The following UGT1A9 variants were observed in gnomAD, a reference collection of about 807,000 sequenced individuals.
UGT1A9 encodes the protein UDP-glucuronosyltransferase 1A9.
UGT1A9 carries 35 observed loss-of-function variants against 45.0 expected under a neutral mutation model. That is an observed-to-expected ratio of 0.78 (90% CI 0.59 to 1.03). The LOEUF is 1.03. UGT1A9 is among the 50% of genes least tolerant of loss of function. UGT1A9 has a pLI of 0.00. For synonymous variants in UGT1A9, 278 were observed against 250.6 expected, an observed-to-expected ratio of 1.11 and a Z score of -1.03; for missense variants, 687 against 666.6, an observed-to-expected ratio of 1.03 and a Z score of -0.34.
Position 233,748,080 on chromosome 2 carries a change from G to A in UGT1A9, c.856-18954G>A, listed in dbSNP as rs1693856955. The stretch of plus-strand genomic sequence containing the variant: ...TGCCAACAGGAAGCCACTATCTCAG[G>A]TCGGTGTTCGTGCCTTCATCCAATC... On this transcript the variant is annotated intron_variant, in intron 1 of 4. Transcript: ENST00000354728. The A allele has an allele frequency of 1.2e-5, 19 of 1,613,008 alleles. 1 individual carries two copies. In the Admixed American group the frequency reaches 3.2e-4, roughly 27 times the overall value.
At chr2:233,695,446 G>T (rs1452804624) in intron 1 of UGT1A9, among the ~76,000 whole-genome samples, 1 of 150,492 alleles carries the variant, frequency 6.6e-6, no homozygotes, top group Non-Finnish European at 1.5e-5. Context: ...TTTTTTTTTT[G>T]ATCAACGTGC....
intron 1 of UGT1A9, chr2:233,718,723 T>C (rs1350568030): frequency 1.2e-6 from 2 of 1,610,130 alleles, no homozygotes; most frequent in African/African-American, 2.7e-5. Context: ...CATGCTGATT[T>C]GCTAGGTGGC....
At position 233,767,112 on chromosome 2, in the gene UGT1A9, C is replaced by G; in HGVS notation, c.934C>G (p.Pro312Ala). Residue 312 changes from proline (P) to alanine (A), a missense_variant, in exon 2 of 5, where the codon CCA (proline) becomes GCA (alanine). Coordinates refer to ENST00000354728, the MANE Select transcript of UGT1A9 (RefSeq NM_021027.3). The part of the protein sequence containing the change: ...FSLGSMVSEI[P>A]EKKAMAIADA... ...TTTGGGATCAATGGTCTCAGAAATT[C>G]CAGAGAAGAAAGCTATGGCAATTGC... 6.2e-7 allele frequency: 1 copy of G among 1,614,080 alleles called. No homozygotes were observed. The highest frequency in any genetic ancestry group is 8.5e-7 in the Non-Finnish European group (1 of 1,180,008).
At chr2:233,743,656 G>C (rs528527073) in intron 1 of UGT1A9, 2 of 1,367,266 alleles carry the variant, frequency 1.5e-6, no homozygotes, top group Non-Finnish European at 2.0e-6. Context: ...AGACGTACTC[G>C]AAGGGGTCCT....
intron 1 of UGT1A9, chr2:233,750,518 C>A (rs560132107): frequency 6.6e-6 from 1 of 152,090 alleles, no homozygotes; most frequent in South Asian, 2.1e-4. Flanking sequence ...ATTGCCAAGA[C>A]AATGGGGAAA....
At chr2:233,749,234 A>T (rs1694147769) in intron 1 of UGT1A9, among the ~76,000 whole-genome samples, 1 of 151,936 alleles carries the variant, frequency 6.6e-6, no homozygotes, top group Admixed American at 6.5e-5. Flanking sequence ...CATTTTTTAA[A>T]ATCAAACCAC....
chr2:233,733,103 T>G lies in UGT1A9; in HGVS notation c.856-33931T>G, dbSNP rs137950812. ...AATGGGAGTTCACTCATGGTTTGGC[T>G]CTGTTTGTCTGTTATTGGTGTATAG... On this transcript the variant is annotated intron_variant, in intron 1 of 4. Coordinates refer to ENST00000354728, the MANE Select transcript of UGT1A9 (RefSeq NM_021027.3). Among the ~76,000 whole-genome samples the G allele has an allele frequency of 9.9e-3, 1,505 of 152,334 alleles. 21 individuals are homozygous for G. Among genetic ancestry groups the G allele is most frequent in the African/African-American group, 0.035 (1,436 of 41,572 alleles).
chr2:233,687,194 T>C (rs776003891), intron 1 of UGT1A9, among the ~76,000 whole-genome samples: 2 of 152,160 alleles, frequency 1.3e-5, no homozygotes, highest in South Asian at 2.1e-4. Flanking sequence ...ATACCCGTAA[T>C]TGGGTGGGTG....
intron 1 of UGT1A9, chr2:233,760,677 A>G (rs555950591): frequency 6.2e-7 from 1 of 1,614,148 alleles, no homozygotes; most frequent in Non-Finnish European, 8.5e-7. Context: ...GTTCCCACTT[A>G]CTGCACAACA....
At chr2:233,754,968 C>T in intron 1 of UGT1A9, 3 of 1,303,126 alleles carry the variant, frequency 2.3e-6, no homozygotes, top group Non-Finnish European at 2.1e-6. Context: ...AAAGAACTCC[C>T]TGAAGACCTC....
At chr2:233,758,245 A>G (rs1047370626) in intron 1 of UGT1A9, among the ~76,000 whole-genome samples, 51 of 152,214 alleles carry the variant, frequency 3.4e-4, no homozygotes, top group Non-Finnish European at 1.9e-4. Flanking sequence ...ATTGCCCACT[A>G]TTCAGATTAG....
intron 1 of UGT1A9, chr2:233,753,763 T>C (rs1695302197): frequency 1.3e-5 from 2 of 152,344 alleles, no homozygotes; most frequent in South Asian, 4.1e-4. Context: ...TGCGTGGCCC[T>C]TTGGAAACGC....
rs187768174 is a variant in UGT1A9, at chr2:233,743,103, C to T, written c.856-23931C>T. 4.1e-3 allele frequency: 1,437 copies of T among 353,348 alleles called. 18 individuals carry two copies. Among genetic ancestry groups the T allele is most frequent in the South Asian group, 0.019 (861 of 45,444 alleles). 21.9% of individuals were successfully genotyped at this position (353,348 alleles called of 1,614,324 possible). A position where few individuals can be genotyped will look rare whatever the true frequency, so the allele number is the denominator to read the frequency against. ...AGTGTTTATAAATTCTTGGGTACAG[C>T]TGTTCTGAAAGTAAAGTTCACTTTC... On this transcript the variant is annotated intron_variant, in intron 1 of 4. Transcript: ENST00000354728.
intron 1 of UGT1A9, chr2:233,740,934 T>G (rs1244691991): frequency 6.6e-6 from 1 of 151,802 alleles, no homozygotes; most frequent in East Asian, 1.9e-4. Flanking sequence ...AAAGTTTTTT[T>G]TTTAATTAGC....
intron 1 of UGT1A9, chr2:233,729,848 G>C: frequency 6.2e-7 from 1 of 1,613,874 alleles, no homozygotes; most frequent in Non-Finnish European, 8.5e-7. Context: ...CTTTTTCAGA[G>C]AGAGGTGTCA....
intron 1 of UGT1A9, among the ~76,000 whole-genome samples, chr2:233,733,410 G>A (rs1464180881): frequency 6.6e-6 from 1 of 152,160 alleles, no homozygotes; most frequent in Non-Finnish European, 1.5e-5. Flanking sequence ...AATGCTTCCA[G>A]TTTTCGCCTA....
At chr2:233,728,575 A>G (rs1420675714) in intron 1 of UGT1A9, among the ~76,000 whole-genome samples, 5 of 152,224 alleles carry the variant, frequency 3.3e-5, no homozygotes, top group Non-Finnish European at 7.3e-5. Context: ...TCCTGGTGCG[A>G]AAAACGACCA....
At chr2:233,674,680 T>C (rs974563790) in intron 1 of UGT1A9, among the ~76,000 whole-genome samples, 2 of 152,220 alleles carry the variant, frequency 1.3e-5, no homozygotes, top group Admixed American at 1.3e-4. Context: ...TGTGTTTATG[T>C]GTCTATTAAA....
intron 1 of UGT1A9, chr2:233,681,963 T>C: frequency 6.2e-7 from 1 of 1,614,084 alleles, no homozygotes; most frequent in South Asian, 1.1e-5. Flanking sequence ...TGGACTGGCC[T>C]CCTTCCCCTA....
Sources: gnomAD v4.1 joint callset for allele counts (sites outside exome capture counted in the v4.1 genomes callset) on GRCh38, gnomAD v4.1.1 for gene constraint, MANE v1.5 for transcripts, NCBI Gene and HGNC (gene_info 2026-07-23, HGNC 2026-07-21) for gene names.